AKTIP: variants seen among roughly 807,000 people sequenced by gnomAD.
AKTIP encodes AKT-interacting protein.
In AKTIP, 16 loss-of-function variants were observed where a neutral mutation model predicts 39.1. The ratio of observed to expected loss-of-function variants is 0.41; its 90% CI spans 0.28 to 0.62. AKTIP has a LOEUF of 0.62. Ranked by LOEUF, AKTIP falls within the 20% of genes least tolerant of loss-of-function variation. AKTIP has a pLI of 0.32. For synonymous variants in AKTIP, 93 were observed against 124.3 expected (o/e 0.75, Z 1.67); for missense variants, 262 against 356.6 (o/e 0.73, Z 2.14).
chr16:53,491,067 T>G lies in AKTIP; in HGVS notation c.*1345A>C, dbSNP rs1961413008. ...AACATCCAATATTTTCTTTAATGCTTTTATATTTTTTTAAAATGTTAAAAC... is the reference window on the plus strand; with the variant it reads ...AACATCCAATATTTTCTTTAATGCTGTTATATTTTTTTAAAATGTTAAAAC... On this transcript the variant is annotated 3_prime_UTR_variant, in exon 10 of 10. Transcript: ENST00000394657. 1.3e-5 allele frequency: 2 copies of G among 152,662 alleles called. No individual in the cohort carries two copies. The highest frequency in any genetic ancestry group is 4.8e-5 in the African/African-American group (2 of 41,444). 9.5% of individuals were successfully genotyped at this position (152,662 alleles called of 1,614,324 possible).
intron 8 of AKTIP, 39 bp downstream of exon 8, chr16:53,494,099 A>G (rs767739534): frequency 2.1e-6 from 3 of 1,451,650 alleles, no homozygotes; most frequent in East Asian, 4.5e-5. Context: ...TGTATTGGAA[A>G]GGACAGTGGA....
chr16:53,498,333 C>G, intron 3 of AKTIP, 58 bp downstream of exon 3: 1 of 1,554,946 alleles, frequency 6.4e-7, no homozygotes, highest in Non-Finnish European at 8.9e-7. Flanking sequence ...GAATAAATTT[C>G]ATTCTTCACT....
upstream of AKTIP, among the ~76,000 whole-genome samples, chr16:53,503,969 C>T (rs1555574026): frequency 7.0e-6 from 1 of 141,858 alleles, no homozygotes; most frequent in African/African-American, 2.5e-5. Context: ...GAGTGGGGGC[C>T]GGGGGCTGGG....
chr16:53,500,626 C>T (rs1226187379), intron 1 of AKTIP, among the ~76,000 whole-genome samples: 2 of 152,178 alleles, frequency 1.3e-5, no homozygotes, highest in African/African-American at 2.4e-5. Flanking sequence ...GATCCACCTG[C>T]CTCAGCCTCC....
chr16:53,502,026 C>T (rs1962198783), intron 1 of AKTIP, among the ~76,000 whole-genome samples: 1 of 152,202 alleles, frequency 6.6e-6, no homozygotes, highest in South Asian at 2.1e-4. Flanking sequence ...GACCGGATCC[C>T]TTGGGACACA....
At chr16:53,496,305 A>G (rs925621397) in intron 3 of AKTIP, among the ~76,000 whole-genome samples, 5 of 152,128 alleles carry the variant, frequency 3.3e-5, no homozygotes, top group African/African-American at 1.2e-4. Flanking sequence ...CAGTTCTAAT[A>G]CAGATTTAAT....
chr16:53,499,358 T>A (rs1962027411), intron 2 of AKTIP, among the ~76,000 whole-genome samples: 1 of 152,074 alleles, frequency 6.6e-6, no homozygotes, highest in Non-Finnish European at 1.5e-5. Context: ...ACTAAACTTG[T>A]ACCCCATTAC....
Position 53,500,306 on chromosome 16 carries a change from TTC to T in AKTIP, c.-49_-48del, listed in dbSNP as rs773208337. On this transcript the variant is annotated 5_prime_UTR_variant, in exon 2 of 10. An upstream open reading frame in the 5' UTR gains an earlier in-frame stop. Coordinates refer to ENST00000394657, the MANE Select transcript of AKTIP (RefSeq NM_022476.4). ...AAGTCAGTGGTGTATCATCCAAATC[TTC>T]TGTCTTCGGCATTCACTTTACCTTA... The T allele has an allele frequency of 3.1e-6, 5 of 1,603,084 alleles. No individual in the cohort carries two copies. In the East Asian group the frequency reaches 1.1e-4, roughly 36 times the overall value.
At chr16:53,503,636 T>C (rs1013959244), upstream of AKTIP, among the ~76,000 whole-genome samples, 4 of 152,138 alleles carry the variant, frequency 2.6e-5, no homozygotes, top group Admixed American at 6.5e-5. Context: ...GCAACCGCCA[T>C]GCGCAGGGGC....
chr16:53,498,981 G>A (rs1329895079), intron 2 of AKTIP, among the ~76,000 whole-genome samples: 2 of 152,228 alleles, frequency 1.3e-5, no homozygotes, highest in Non-Finnish European at 2.9e-5. Flanking sequence ...TGCTACAGAA[G>A]GTTAGGTGCT....
intron 1 of AKTIP, among the ~76,000 whole-genome samples, chr16:53,500,732 A>G (rs1962118496): frequency 6.6e-6 from 1 of 152,212 alleles, no homozygotes; most frequent in South Asian, 2.1e-4. Flanking sequence ...CTGGATATAC[A>G]ATATAATGTT....
chr16:53,503,936 GTC>G (rs1429102224), upstream of AKTIP, among the ~76,000 whole-genome samples: 4 of 151,872 alleles, frequency 2.6e-5, no homozygotes, highest in Non-Finnish European at 5.9e-5. Flanking sequence ...ATCTGTGTGT[GTC>G]GGCCCCGACC....
rs1961427780 is a variant in AKTIP, at chr16:53,491,230, G to A, written c.*1182C>T. 1 of 152,092 alleles carries A rather than the reference G, an allele frequency of 6.6e-6. No individual in the cohort carries two copies. The highest frequency in any genetic ancestry group is 1.5e-5 in the Non-Finnish European group (1 of 68,028). 9.4% of individuals were successfully genotyped at this position (152,092 alleles called of 1,614,324 possible). A position where few individuals can be genotyped will look rare whatever the true frequency, so the allele number is the denominator to read the frequency against. On this transcript the variant is annotated 3_prime_UTR_variant, in exon 10 of 10. Coordinates refer to ENST00000394657, the MANE Select transcript of AKTIP (RefSeq NM_022476.4). ...ACTTATGACCTCTTCCTTTAGGAGG[G>A]AGTTATCTAAAAGAAATGTCTATTA...
rs948129533 is a variant in AKTIP at position 53,494,573 on chromosome 16, C to T, written c.447G>A (p.Pro149=). ...RLVFDIPVFH[P]LVDPTSGELD... is the part of the protein sequence containing the mutation. The stretch of plus-strand genomic sequence containing the variant: ...GCTCACCTGAGGTGGGATCAACTAG[C>T]GGGTGAAAGACAGGAATATCGAACA... The change falls in exon 6 of 10, where the codon CCG becomes CCA. Residue 149 remains proline (P), a synonymous_variant. Coordinates refer to ENST00000394657, the MANE Select transcript of AKTIP (RefSeq NM_022476.4). The T allele has an allele frequency of 2.5e-6, 4 of 1,613,966 alleles. No homozygotes were observed. The highest frequency in any genetic ancestry group is 1.3e-5 in the African/African-American group (1 of 74,884).
At chr16:53,502,440 G>C (rs1962223097) in intron 1 of AKTIP, among the ~76,000 whole-genome samples, 1 of 152,226 alleles carries the variant, frequency 6.6e-6, no homozygotes, top group Non-Finnish European at 1.5e-5. Context: ...CTGCGCGAAT[G>C]ACAGTGCGTG....
chr16:53,495,340 A>G lies in AKTIP; in HGVS notation c.249-14T>C. On this transcript the variant is annotated splice_polypyrimidine_tract_variant and intron_variant, in intron 3 of 9. Transcript: ENST00000394657. ...ACAACCAAGGTACTACAACAAAAGCAGAATAATTAACTTGTGTGGATACAA... is the reference window on the plus strand; with the variant it reads ...ACAACCAAGGTACTACAACAAAAGCGGAATAATTAACTTGTGTGGATACAA... The G allele has an allele frequency of 6.2e-7, 1 of 1,613,880 alleles. No homozygotes were observed. Among genetic ancestry groups the G allele is most frequent in the Non-Finnish European group, 8.5e-7 (1 of 1,179,774 alleles).
chr16:53,498,369 A>C, intron 3 of AKTIP, 22 bp downstream of exon 3: 1 of 1,611,348 alleles, frequency 6.2e-7, no homozygotes, highest in South Asian at 1.1e-5. Flanking sequence ...TAATTTAACC[A>C]AATAGTTTGT....
chr16:53,493,431 C>G (rs1961621563), intron 8 of AKTIP: 1 of 153,262 alleles, frequency 6.5e-6, no homozygotes, highest in African/African-American at 2.4e-5. Context: ...CTCGGCCTCC[C>G]AAAGTGCTGG....
At chr16:53,495,027 C>T (rs1351783874) in intron 5 of AKTIP, 46 bp downstream of exon 5, 1 of 1,532,566 alleles carries the variant, frequency 6.5e-7, no homozygotes, top group Admixed American at 1.7e-5. Flanking sequence ...CCTTTCAGCC[C>T]TTCTCGCTGA....
Sources: gnomAD v4.1 joint callset for allele counts (sites outside exome capture counted in the v4.1 genomes callset) on GRCh38, gnomAD v4.1.1 for gene constraint, MANE v1.5 for transcripts, NCBI Gene and HGNC (gene_info 2026-07-23, HGNC 2026-07-21) for gene names.